MAP3K4: variants seen among roughly 807,000 people sequenced by gnomAD.
The protein encoded by MAP3K4 is mitogen-activated protein kinase kinase kinase 4, also known as MAP three kinase 1.
Under a neutral mutation model 185.6 loss-of-function variants are expected in MAP3K4, and 67 were observed. The ratio of observed to expected loss-of-function variants is 0.36; its 90% CI spans 0.30 to 0.44. The LOEUF (loss-of-function observed/expected upper bound fraction) is 0.44. Ranked by LOEUF, MAP3K4 falls within the 20% of genes least tolerant of loss-of-function variation. The pLI is 1.00. For synonymous variants in MAP3K4, 702 were observed against 710.4 expected, an observed-to-expected ratio of 0.99 and a Z score of 0.19; for missense variants, 1,551 against 1,995.1, an observed-to-expected ratio of 0.78 and a Z score of 4.24.
In MAP3K4 at chr6:161,073,784, C is replaced by G. The variant is rs1036732314; in HGVS notation, c.2097+172C>G. Among the ~76,000 whole-genome samples, 1 of 151,990 alleles carries G rather than the reference C, an allele frequency of 6.6e-6. No homozygotes were observed. Among genetic ancestry groups the G allele is most frequent in the African/African-American group, 2.4e-5 (1 of 41,356 alleles). On this transcript the variant is annotated intron_variant, in intron 5 of 26. Transcript: ENST00000392142. The surrounding 1 kb of genome is among the most constrained non-coding windows in gnomAD (Gnocchi z 4.2). ...AAGTATAGCTTGTGTGTGTGTATTG[C>G]GGAGGGCGGTGGTGGTGATCTTGAA...
chr6:161,010,524 C>T (rs992707034), intron 1 of MAP3K4, among the ~76,000 whole-genome samples: 1 of 152,044 alleles, frequency 6.6e-6, no homozygotes, highest in African/African-American at 2.4e-5. Context: ...ACTTAAAAAT[C>T]ATGTTATTCC....
intron 1 of MAP3K4, among the ~76,000 whole-genome samples, chr6:161,026,297 A>T (rs928829510): frequency 1.1e-4 from 17 of 148,628 alleles, no homozygotes; most frequent in Non-Finnish European, 2.1e-4. Flanking sequence ...CGCGCAGCTA[A>T]TTTTTTTTTT....
rs1583221345 is a variant in MAP3K4, at chr6:161,091,846, G to A, written c.3136-164G>A. The stretch of plus-strand genomic sequence containing the variant: ...TAAAACATTTATGAAACTGCATTTT[G>A]AAACACTGTACTTTCCATAATTCTT... On this transcript the variant is annotated intron_variant, in intron 12 of 26. Coordinates refer to ENST00000392142, the MANE Select transcript of MAP3K4 (RefSeq NM_005922.4). This position sits in a 1 kb window ranked among gnomAD's most constrained non-coding sequence, Gnocchi z 5.5. Among the ~76,000 whole-genome samples the A allele has an allele frequency of 6.6e-6, 1 of 152,110 alleles. No individual in the cohort carries two copies. Among genetic ancestry groups the A allele is most frequent in the East Asian group, 1.9e-4 (1 of 5,200 alleles).
chr6:160,993,941 C>CT (rs1780870157), intron 1 of MAP3K4, among the ~76,000 whole-genome samples: 1 of 152,066 alleles, frequency 6.6e-6, no homozygotes, highest in Non-Finnish European at 1.5e-5. Flanking sequence ...GTTGTTTTCT[C>CT]TTTTTTATGT....
rs957088849 is a variant in MAP3K4 at position 161,007,495 on chromosome 6, G to C, written c.152+15412G>C. On this transcript the variant is annotated intron_variant, in intron 1 of 26. Coordinates refer to ENST00000392142, the MANE Select transcript of MAP3K4 (RefSeq NM_005922.4). This position sits in a 1 kb window ranked among gnomAD's most constrained non-coding sequence, Gnocchi z 4.5. ...TCCATTGCTCTCTTAAGGAGCACAG[G>C]GCTCAGATAAAGTTAAACAGTTGTG... Among the ~76,000 whole-genome samples the C allele has an allele frequency of 6.6e-6, 1 of 152,138 alleles. No homozygotes were observed. Among genetic ancestry groups the C allele is most frequent in the African/African-American group, 2.4e-5 (1 of 41,412 alleles).
At chr6:161,083,316 A>G (rs1287252155) in intron 6 of MAP3K4, among the ~76,000 whole-genome samples, 3 of 151,922 alleles carry the variant, frequency 2.0e-5, no homozygotes, top group Non-Finnish European at 4.4e-5. Flanking sequence ...TGTTTTATTT[A>G]TTGTGTTTCT....
rs1274607157 is a variant in MAP3K4 at position 161,022,600 on chromosome 6, A to C, written c.153-11659A>C. 1.3e-5 allele frequency among the ~76,000 whole-genome samples: 2 copies of C among 152,156 alleles called. No homozygotes were observed. The highest frequency in any genetic ancestry group is 2.9e-5 in the Non-Finnish European group (2 of 68,030). ...TCCTTATCAGTGTGAGCTACAAGTG[A>C]ATGGTCTGCTGAAGATGGGAGGGCC... is the stretch of plus-strand genomic sequence containing the variant. On this transcript the variant is annotated intron_variant, in intron 1 of 26. Coordinates refer to ENST00000392142, the MANE Select transcript of MAP3K4 (RefSeq NM_005922.4). This position sits in a 1 kb window ranked among gnomAD's most constrained non-coding sequence, Gnocchi z 4.2.
chr6:161,115,394 T>A lies in MAP3K4; in HGVS notation c.4806+92T>A, dbSNP rs1448903048. The stretch of plus-strand genomic sequence containing the variant: ...TTAATGAAATTTTGAAACTTTAAAG[T>A]AGCTATATCTGAAGTGGAAAGGAAC... On this transcript the variant is annotated intron_variant, in intron 26 of 26. Coordinates refer to ENST00000392142, the MANE Select transcript of MAP3K4 (RefSeq NM_005922.4). The surrounding 1 kb of genome is among the most constrained non-coding windows in gnomAD (Gnocchi z 6.0). The A allele has an allele frequency of 4.9e-6, 6 of 1,229,134 alleles. No homozygotes were observed. The highest frequency in any genetic ancestry group is 5.6e-6 in the Non-Finnish European group (5 of 886,112). 76.1% of individuals were successfully genotyped at this position (1,229,134 alleles called of 1,614,324 possible).
At position 161,115,597 on chromosome 6, in the gene MAP3K4, C is replaced by T. The variant is rs1778558675; in HGVS notation, c.4806+295C>T. Among the ~76,000 whole-genome samples, 1 of 152,128 alleles carries T rather than the reference C, an allele frequency of 6.6e-6. No homozygotes were observed. The highest frequency in any genetic ancestry group is 2.1e-4 in the South Asian group (1 of 4,830). ...TCCACTCTTGAGAGTGTATAGTCTA[C>T]TTGGAGGGTCAAGACGGTAATGACT... is the stretch of plus-strand genomic sequence containing the variant. On this transcript the variant is annotated intron_variant, in intron 26 of 26. Coordinates refer to ENST00000392142, the MANE Select transcript of MAP3K4 (RefSeq NM_005922.4). The surrounding 1 kb of genome is among the most constrained non-coding windows in gnomAD (Gnocchi z 6.0).
chr6:160,993,862 T>C (rs1180757030), intron 1 of MAP3K4, among the ~76,000 whole-genome samples: 3 of 119,990 alleles, frequency 2.5e-5, no homozygotes, highest in Non-Finnish European at 5.4e-5. Context: ...GATCTCAATA[T>C]TTTTCTTAGC....
At chr6:161,069,538 A>G (rs527739905) in intron 3 of MAP3K4, among the ~76,000 whole-genome samples, 3 of 152,286 alleles carry the variant, frequency 2.0e-5, no homozygotes, top group Non-Finnish European at 4.4e-5. Context: ...GGTCTTCCAT[A>G]GCAGCTCAAG....
At chr6:161,055,823 T>G (rs1784208620) in intron 3 of MAP3K4, among the ~76,000 whole-genome samples, 1 of 152,050 alleles carries the variant, frequency 6.6e-6, no homozygotes, top group African/African-American at 2.4e-5. Flanking sequence ...TCTCCAGGAG[T>G]TACTATTTTT....
intron 3 of MAP3K4, among the ~76,000 whole-genome samples, chr6:161,069,934 T>C (rs1784864619): frequency 6.6e-6 from 1 of 151,634 alleles, no homozygotes; most frequent in Non-Finnish European, 1.5e-5. Flanking sequence ...TCCCCTACTT[T>C]ATGGGGAAAG....
Position 161,108,755 on chromosome 6 carries a change from C to T in MAP3K4, c.4132C>T (p.Pro1378Ser), listed in dbSNP as rs763953877. The T allele has an allele frequency of 3.7e-6, 6 of 1,610,794 alleles. No homozygotes were observed. The highest frequency in any genetic ancestry group is 5.1e-6 in the Non-Finnish European group (6 of 1,177,008). Residue 1378 changes from proline (P) to serine (S), a missense_variant, in exon 22 of 27, where the codon CCT (proline) becomes TCT (serine). By Grantham distance (74) the Pro-to-Ser change is moderately conservative. Coordinates refer to ENST00000392142, the MANE Select transcript of MAP3K4 (RefSeq NM_005922.4). The surrounding 1 kb of genome is among the most constrained non-coding windows in gnomAD (Gnocchi z 5.7). The stretch of plus-strand genomic sequence containing the variant: ...CCTCACTTTACAGATTCGATTTCAA[C>T]CTAATGACCATAAGACTATCAAGGA... ...LMAMKEIRFQ[P>S]NDHKTIKETA...
rs1256227651 is a variant in MAP3K4, at chr6:161,114,901, A to G, written c.4627-222A>G. Among the ~76,000 whole-genome samples the G allele has an allele frequency of 2.0e-5, 3 of 152,146 alleles. No individual in the cohort carries two copies. The highest frequency in any genetic ancestry group is 2.4e-5 in the African/African-American group (1 of 41,428). On this transcript the variant is annotated intron_variant, in intron 25 of 26. Coordinates refer to ENST00000392142, the MANE Select transcript of MAP3K4 (RefSeq NM_005922.4). This position sits in a 1 kb window ranked among gnomAD's most constrained non-coding sequence, Gnocchi z 4.3. ...TTTGTTGGAACAGTCATATTCATTTATGTGTTGTCCATAGCTGCTACCATG... is the reference window on the plus strand; with the variant it reads ...TTTGTTGGAACAGTCATATTCATTTGTGTGTTGTCCATAGCTGCTACCATG...
chr6:161,016,887 TG>T (rs1487596222), intron 1 of MAP3K4, among the ~76,000 whole-genome samples: 1 of 152,242 alleles, frequency 6.6e-6, no homozygotes, highest in East Asian at 1.9e-4. Flanking sequence ...ATTTATTGCA[TG>T]GATGGTTTAA....
intron 6 of MAP3K4, among the ~76,000 whole-genome samples, chr6:161,081,707 G>C (rs1287905143): frequency 6.6e-6 from 1 of 152,208 alleles, no homozygotes; most frequent in Admixed American, 6.5e-5. Flanking sequence ...GCTGGGCACA[G>C]GCCGCGTCTC....
Position 161,027,329 on chromosome 6 carries a change from G to A in MAP3K4, c.153-6930G>A, listed in dbSNP as rs1044815077. ...TTAATTGTGATTGTGTAACTCAGTA[G>A]ACTATTATACAAATCTATGAAATGT... On this transcript the variant is annotated intron_variant, in intron 1 of 26. Transcript: ENST00000392142. Among the ~76,000 whole-genome samples, 3 of 152,174 alleles carry A rather than the reference G, an allele frequency of 2.0e-5. No individual in the cohort carries two copies. The East Asian group carries it at 5.8e-4, about 29-fold the overall frequency.
chr6:161,004,859 C>A (rs765945066), intron 1 of MAP3K4, among the ~76,000 whole-genome samples: 3 of 152,068 alleles, frequency 2.0e-5, no homozygotes, highest in Non-Finnish European at 2.9e-5. Context: ...GCTGTTTGTG[C>A]AGATAATGTA....
Sources: gnomAD v4.1 joint callset for allele counts (sites outside exome capture counted in the v4.1 genomes callset) on GRCh38, gnomAD v4.1.1 for gene constraint, Gnocchi (gnomAD v3.1) non-coding constraint, MANE v1.5 for transcripts, NCBI Gene and HGNC (gene_info 2026-07-23, HGNC 2026-07-21) for gene names.